Variants in ITGB1 observed in about 807,000 individuals in gnomAD.
ITGB1 encodes the protein integrin beta-1.
A neutral mutation model predicts 86.5 loss-of-function variants in ITGB1; 24 were observed. The observed-to-expected ratio is 0.28, with a 90% CI of 0.20 to 0.39. The LOEUF (loss-of-function observed/expected upper bound fraction) is 0.39, where lower values mean the gene tolerates loss of function less well. ITGB1 is among the 10% of genes least tolerant of loss of function. The pLI, the probability that ITGB1 is intolerant of heterozygous loss-of-function variation, is 1.00. For synonymous variants in ITGB1, 323 were observed against 316.8 expected (o/e 1.02, Z -0.21); for missense variants, 556 against 946.9 (o/e 0.59, Z 5.42).
chr10:32,953,984 T>C (rs2095047530), intron 1 of ITGB1, among the ~76,000 whole-genome samples: 1 of 152,132 alleles, frequency 6.6e-6, no homozygotes, highest in Non-Finnish European at 1.5e-5. Flanking sequence ...TCTAGATTCC[T>C]CTTCCTCCAC....
chr10:32,943,055 T>C (rs2095022740), intron 1 of ITGB1, among the ~76,000 whole-genome samples: 1 of 152,178 alleles, frequency 6.6e-6, no homozygotes, highest in African/African-American at 2.4e-5. Flanking sequence ...CTGAACCATA[T>C]TGAATTGTAT....
intron 11 of ITGB1, among the ~76,000 whole-genome samples, chr10:32,918,004 C>T (rs561915343): frequency 3.3e-5 from 5 of 152,306 alleles, no homozygotes; most frequent in African/African-American, 1.2e-4. Flanking sequence ...ACATGGAATA[C>T]TATGCAGCCA....
chr10:32,928,280 A>T lies in ITGB1; in HGVS notation c.377-16T>A, dbSNP rs1593871113. The T allele has an allele frequency of 1.2e-6, 1 of 828,108 alleles. No homozygotes were observed. The highest frequency in any genetic ancestry group is 1.5e-5 in the South Asian group (1 of 68,028). The allele number at this position is 828,108 out of a possible 1,614,324, so 51.3% of individuals were successfully genotyped here. The stretch of plus-strand genomic sequence containing the variant: ...TGTGGCTCCCCTAATTAGACAAGAG[A>T]TTAGAAAATGAAACTTGCCTGTTGG... On this transcript the variant is annotated splice_polypyrimidine_tract_variant and intron_variant, in intron 4 of 15. Transcript: ENST00000302278.
chr10:32,906,852 T>C (rs2094897932), intron 15 of ITGB1, among the ~76,000 whole-genome samples: 2 of 152,216 alleles, frequency 1.3e-5, no homozygotes, highest in Admixed American at 6.5e-5. Context: ...GCACATTCTC[T>C]TTTCACTACA....
rs912445442 is a variant in ITGB1, at chr10:32,938,890, T to C, written c.1-3332A>G. ...GAGGAGACCACAGTTAGAAGTGGCC[T>C]GAGGGAAGCAAGCCACAGAGACCCG... On this transcript the variant is annotated intron_variant, in intron 1 of 15. Coordinates refer to ENST00000302278, the MANE Select transcript of ITGB1 (RefSeq NM_002211.4). Among the ~76,000 whole-genome samples, 6 of 152,048 alleles carry C rather than the reference T, an allele frequency of 3.9e-5. No homozygotes were observed. The East Asian group carries it at 1.2e-3, about 29-fold the overall frequency.
At chr10:32,930,481 A>T (rs2094979811) in intron 3 of ITGB1, among the ~76,000 whole-genome samples, 1 of 152,202 alleles carries the variant, frequency 6.6e-6, no homozygotes, top group South Asian at 2.1e-4. Flanking sequence ...ATGCTGAACA[A>T]CCCGATGTTT....
In ITGB1 at chr10:32,911,565, T is replaced by C; in HGVS notation, c.1814A>G (p.Gln605Arg). The part of the protein sequence containing the change: ...DTSTCEASNG[Q>R]ICNGRGICEC... ...GCAGATGCCCCGGCCATTGCAGATC[T>C]GTCCGTTGCTGGCTTCACAAGTACT... is the stretch of plus-strand genomic sequence containing the variant. The change falls in exon 13 of 16, where the codon CAG (glutamine) becomes CGG (arginine). Residue 605 changes from glutamine to arginine, a missense_variant. Physicochemically the swap from Gln to Arg is conservative, Grantham distance 43. Transcript: ENST00000302278. 4 of 1,614,198 alleles carry C rather than the reference T, an allele frequency of 2.5e-6. No individual in the cohort carries two copies. Among genetic ancestry groups the C allele is most frequent in the Non-Finnish European group, 3.4e-6 (4 of 1,180,024 alleles).
At chr10:32,907,452 T>C (rs535930808) in intron 15 of ITGB1, among the ~76,000 whole-genome samples, 1 of 152,286 alleles carries the variant, frequency 6.6e-6, no homozygotes, top group African/African-American at 2.4e-5. Context: ...TAACATAACC[T>C]TTCGGTCACT....
intron 1 of ITGB1, among the ~76,000 whole-genome samples, chr10:32,957,139 CATT>C (rs2095053970): frequency 6.6e-6 from 1 of 152,122 alleles, no homozygotes; most frequent in Admixed American, 6.5e-5. Context: ...CCCTCACTGT[CATT>C]ATTATAAAAA....
Position 32,923,584 on chromosome 10 carries a change from C to T in ITGB1, c.942+1G>A. 1 of 1,609,594 alleles carries T rather than the reference C, an allele frequency of 6.2e-7. No homozygotes were observed. The highest frequency in any genetic ancestry group is 8.5e-7 in the Non-Finnish European group (1 of 1,177,538). The stretch of plus-strand genomic sequence containing the variant: ...CACTATGTAAGGAACCAGGCACTTA[C>T]ATAATAATGGCTCATTGTGTACATA... On this transcript the variant is annotated splice_donor_variant, in intron 7 of 15. Coordinates refer to ENST00000302278, the MANE Select transcript of ITGB1 (RefSeq NM_002211.4). LOFTEE classifies it high-confidence loss of function.
At chr10:32,941,887 G>A (rs1350580271) in intron 1 of ITGB1, among the ~76,000 whole-genome samples, 2 of 152,140 alleles carry the variant, frequency 1.3e-5, no homozygotes, top group African/African-American at 4.8e-5. Context: ...GGGAGAATGG[G>A]GTTAGGGGAA....
intron 1 of ITGB1, among the ~76,000 whole-genome samples, chr10:32,954,751 A>T (rs2095049139): frequency 6.6e-6 from 1 of 152,178 alleles, no homozygotes; most frequent in Non-Finnish European, 1.5e-5. Flanking sequence ...GTATGTGTGT[A>T]TATACATATG....
intron 15 of ITGB1, among the ~76,000 whole-genome samples, chr10:32,902,006 C>A (rs532470761): frequency 6.6e-6 from 1 of 152,158 alleles, no homozygotes; most frequent in African/African-American, 2.4e-5. Flanking sequence ...GCCATCACTG[C>A]CTGATTCTTA....
Position 32,908,407 on chromosome 10 carries a change from A to T in ITGB1, c.2292T>A (p.Ala764=). 6.2e-7 allele frequency: 1 copy of T among 1,613,964 alleles called. No individual in the cohort carries two copies. ...LMIIHDRREF[A]KFEKEKMNAK... ...CATTCATTTTCTCCTTTTCAAATTT[A>T]GCAAACTCCCTTCTGTCATGAATTA... Residue 764 remains alanine, a synonymous_variant, in exon 15 of 16, where the codon GCT becomes GCA. Transcript: ENST00000302278.
At chr10:32,957,559 GCCCCCGCCCGCGGCGCTGGC>G (rs1274930506) in intron 1 of ITGB1, among the ~76,000 whole-genome samples, 1 of 152,110 alleles carries the variant, frequency 6.6e-6, no homozygotes, top group African/African-American at 2.4e-5. Context: ...GGCTCCCGCC[GCCCCCGCCCGCGGCGCTGGC>G]CCCAGGGCCG....
intron 11 of ITGB1, among the ~76,000 whole-genome samples, chr10:32,919,506 G>A (rs957227201): frequency 2.0e-5 from 3 of 152,080 alleles, no homozygotes; most frequent in Admixed American, 1.3e-4. Flanking sequence ...TTTCCCAGAC[G>A]AAATCGCCAT....
At position 32,916,588 on chromosome 10, in the gene ITGB1, A is replaced by G. The variant is rs573006488; in HGVS notation, c.1469+3297T>C. Among the ~76,000 whole-genome samples the G allele has an allele frequency of 1.2e-4, 18 of 152,332 alleles. No individual in the cohort carries two copies. The East Asian group carries it at 1.9e-3, about 16-fold the overall frequency. ...CCAAATTATGGGTGAACTCCCATTC[A>G]TAACTGCTTCAAAGAGAATAAAATA... On this transcript the variant is annotated intron_variant, in intron 11 of 15. Transcript: ENST00000302278.
rs1383635424 is a variant in ITGB1, at chr10:32,920,059, G to A, written c.1295C>T (p.Ser432Leu). Residue 432 changes from serine to leucine, a missense_variant, in exon 11 of 16, where the codon TCA (serine) becomes TTA (leucine). By Grantham distance (145) the Ser-to-Leu change is moderately radical (BLOSUM62 -2). This residue lies in a region of ITGB1 where 330 missense variants were observed against 531.5 expected (regional missense o/e 0.62). Coordinates refer to ENST00000302278, the MANE Select transcript of ITGB1 (RefSeq NM_002211.4). ...DEVQFEISIT[S>L]NKCPKKDSDS... ...AGAATCCTTTTTTGGACACTTATTT[G>A]AAGTTATGCTAATTTCAAATTGAAC... 1 of 1,613,636 alleles carries A rather than the reference G, an allele frequency of 6.2e-7. No homozygotes were observed. The highest frequency in any genetic ancestry group is 1.3e-5 in the African/African-American group (1 of 74,856).
intron 3 of ITGB1, 112 bp from the exon 4 acceptor site, chr10:32,930,156 T>C (rs2094978735): frequency 1.6e-6 from 1 of 638,024 alleles, no homozygotes; most frequent in Non-Finnish European, 2.8e-6. Context: ...ACATCTAATG[T>C]ACCCCAATTC....
Sources: allele counts gnomAD v4.1 joint callset (sites outside exome capture counted in the v4.1 genomes callset), GRCh38; gene constraint gnomAD v4.1.1; regional missense constraint gnomAD v4.1.1; transcripts MANE v1.5; gene names NCBI Gene and HGNC (gene_info 2026-07-23, HGNC 2026-07-21).